Variants in DPYSL2 observed in about 807,000 individuals in gnomAD.
DPYSL2 encodes dihydropyrimidinase-related protein 2.
In DPYSL2, 13 loss-of-function variants were observed where a neutral mutation model predicts 69.9. The observed-to-expected ratio is 0.19, with a 90% CI of 0.12 to 0.30. The LOEUF is 0.30. Ranked by LOEUF, DPYSL2 falls within the 10% of genes least tolerant of loss-of-function variation. DPYSL2 has a pLI of 1.00. For synonymous variants in DPYSL2, 326 were observed against 359.1 expected, an observed-to-expected ratio of 0.91 and a Z score of 1.04; for missense variants, 587 against 918.9, an observed-to-expected ratio of 0.64 and a Z score of 4.67.
intron 3 of DPYSL2, among the ~76,000 whole-genome samples, chr8:26,590,470 G>A (rs71519606): frequency 0.3 from 38,467 of 129,020 alleles, 3,537 homozygotes; most frequent in East Asian, 0.52. Context: ...CCACCCTCAG[G>A]TGTCACTGCG....
chr8:26,585,764 G>C lies in DPYSL2; in HGVS notation c.628+1781G>C, dbSNP rs1443983668. Among the ~76,000 whole-genome samples the C allele has an allele frequency of 6.6e-6, 1 of 152,140 alleles. No individual in the cohort carries two copies. The highest frequency in any genetic ancestry group is 2.4e-5 in the African/African-American group (1 of 41,434). ...ATCTGCCTCAGTTTGGAGTTCACAG[G>C]GAGACCCTGCAGGCCCCTGGATTGG... is the stretch of plus-strand genomic sequence containing the variant. On this transcript the variant is annotated intron_variant, in intron 3 of 13. Transcript: ENST00000521913. This position sits in a 1 kb window ranked among gnomAD's most constrained non-coding sequence, Gnocchi z 4.0.
chr8:26,654,175 G>A lies in DPYSL2; in HGVS notation c.1942+778G>A, dbSNP rs533076912. On this transcript the variant is annotated intron_variant, in intron 13 of 13. Transcript: ENST00000521913. The surrounding 1 kb of genome is among the most constrained non-coding windows in gnomAD (Gnocchi z 5.0). ...AGTTGCTCCCCCGTGAGGTTGTTGT[G>A]AGGGTTAAATGGGTTAATATATATG... Among the ~76,000 whole-genome samples, 29 of 152,288 alleles carry A rather than the reference G, an allele frequency of 1.9e-4. No individual in the cohort carries two copies. Among genetic ancestry groups the A allele is most frequent in the African/African-American group, 6.7e-4 (28 of 41,562 alleles).
At chr8:26,592,468 T>C (rs1264985634) in intron 3 of DPYSL2, among the ~76,000 whole-genome samples, 3 of 88,534 alleles carry the variant, frequency 3.4e-5, no homozygotes, top group African/African-American at 9.1e-5. Flanking sequence ...ATTAGTTTTT[T>C]TTTTTTTGTT....
rs138073695 is a variant in DPYSL2, at chr8:26,560,395, A to G, written c.355-21574A>G. Among the ~76,000 whole-genome samples the G allele has an allele frequency of 7.3e-3, 1,116 of 152,276 alleles. 12 individuals are homozygous for G. Among genetic ancestry groups the G allele is most frequent in the Non-Finnish European group, 9.1e-3 (619 of 68,022 alleles). On this transcript the variant is annotated intron_variant, in intron 1 of 13. Transcript: ENST00000521913. The surrounding 1 kb of genome is among the most constrained non-coding windows in gnomAD (Gnocchi z 4.4). ...AAGATAACATTTAGCTTTTATTACA[A>G]TGATTGCAGCCCTCTGCTGGTGGGA...
At chr8:26,531,440 T>C (rs1340723038) in intron 1 of DPYSL2, among the ~76,000 whole-genome samples, 1 of 152,058 alleles carries the variant, frequency 6.6e-6, no homozygotes, top group African/African-American at 2.4e-5. Context: ...TAGGGTGCCA[T>C]TGGCAAGGAG....
intron 1 of DPYSL2, among the ~76,000 whole-genome samples, chr8:26,558,910 C>T (rs1318799357): frequency 6.6e-6 from 1 of 152,080 alleles, no homozygotes; most frequent in Non-Finnish European, 1.5e-5. Context: ...TTAAACAATT[C>T]TCCATTGTTT....
intron 1 of DPYSL2, among the ~76,000 whole-genome samples, chr8:26,534,747 C>T (rs2117615674): frequency 6.6e-6 from 1 of 152,204 alleles, no homozygotes; most frequent in South Asian, 2.1e-4. Flanking sequence ...ATCCTCCTGC[C>T]TTAACCTCCT....
chr8:26,633,673 A>G (rs1802833797), intron 7 of DPYSL2, among the ~76,000 whole-genome samples: 4 of 151,436 alleles, frequency 2.6e-5, no homozygotes, highest in Admixed American at 2.6e-4. Flanking sequence ...ACAGAGTTTC[A>G]CCATGTTGGT....
intron 3 of DPYSL2, among the ~76,000 whole-genome samples, chr8:26,595,023 A>C (rs903591192): frequency 4.7e-5 from 6 of 126,756 alleles, no homozygotes; most frequent in African/African-American, 1.5e-4. Flanking sequence ...TGTCTCTACC[A>C]AAATCAATCA....
chr8:26,527,358 T>A (rs1034711196), intron 1 of DPYSL2, among the ~76,000 whole-genome samples: 32 of 152,348 alleles, frequency 2.1e-4, no homozygotes, highest in African/African-American at 5.3e-4. Context: ...TTCCTGAAAA[T>A]TTTTTTAAGG....
intron 1 of DPYSL2, among the ~76,000 whole-genome samples, chr8:26,542,390 T>G (rs1585498272): frequency 7.9e-6 from 1 of 126,462 alleles, no homozygotes; most frequent in East Asian, 2.1e-4. Context: ...CTTTATTTAT[T>G]GTTTCCAGGT....
chr8:26,528,422 G>T (rs1388724141), intron 1 of DPYSL2, among the ~76,000 whole-genome samples: 1 of 152,150 alleles, frequency 6.6e-6, no homozygotes, highest in Non-Finnish European at 1.5e-5. Flanking sequence ...GCTGAGGCGG[G>T]TGGATCCCGA....
intron 1 of DPYSL2, among the ~76,000 whole-genome samples, chr8:26,534,780 C>G (rs976604941): frequency 1.3e-5 from 2 of 151,706 alleles, no homozygotes; most frequent in Non-Finnish European, 2.9e-5. Context: ...CTACAGGCAT[C>G]GGCCACCATG....
In DPYSL2 at chr8:26,603,301, T is replaced by C. The variant is rs145493872; in HGVS notation, c.628+19318T>C. 5.0e-3 allele frequency among the ~76,000 whole-genome samples: 761 copies of C among 152,200 alleles called. 4 individuals carry two copies. The highest frequency in any genetic ancestry group is 0.018 in the African/African-American group (734 of 41,526). On this transcript the variant is annotated intron_variant, in intron 3 of 13. Transcript: ENST00000521913. ...GATTCTCCTGCCTCAGCCTTCTGAGTAGCTGAGACTACAGGTGTCCACCAC... is the reference window on the plus strand; with the variant it reads ...GATTCTCCTGCCTCAGCCTTCTGAGCAGCTGAGACTACAGGTGTCCACCAC...
At chr8:26,551,466 T>G (rs777036656) in intron 1 of DPYSL2, among the ~76,000 whole-genome samples, 1 of 152,292 alleles carries the variant, frequency 6.6e-6, no homozygotes, top group East Asian at 1.9e-4. Flanking sequence ...CAAGGAGATA[T>G]AAACAAATCT....
chr8:26,514,732 C>T lies in DPYSL2; in HGVS notation c.354+53C>T. 3 of 1,345,052 alleles carry T rather than the reference C, an allele frequency of 2.2e-6. No individual in the cohort carries two copies. The highest frequency in any genetic ancestry group is 2.9e-6 in the Non-Finnish European group (3 of 1,043,374). 83.3% of individuals were successfully genotyped at this position (1,345,052 alleles called of 1,614,324 possible). Reference sequence around the variant, plus strand: ...GGAGGACGGGGCGCGGGGATCGCCCCTCCCTCGCCCCTGAGCCCGGCGCGC... The same window carrying T: ...GGAGGACGGGGCGCGGGGATCGCCCTTCCCTCGCCCCTGAGCCCGGCGCGC... On this transcript the variant is annotated intron_variant, in intron 1 of 13. Transcript: ENST00000521913. The surrounding 1 kb of genome is among the most constrained non-coding windows in gnomAD (Gnocchi z 8.4).
rs1207355918 is a variant in DPYSL2 at position 26,586,332 on chromosome 8, CCATTCACTGAAACT to C, written c.628+2366_628+2379del. On this transcript the variant is annotated intron_variant, in intron 3 of 13. Coordinates refer to ENST00000521913, the MANE Select transcript of DPYSL2 (RefSeq NM_001197293.3). The surrounding 1 kb of genome is among the most constrained non-coding windows in gnomAD (Gnocchi z 4.7). The stretch of plus-strand genomic sequence containing the variant: ...GTCCTTTCCAGCCCCCTACATTTGG[CCATTCACTGAAACT>C]CATTCACTGAAACTCAGAGAGATTT... 6.6e-6 allele frequency among the ~76,000 whole-genome samples: 1 copy of C among 152,172 alleles called. No individual in the cohort carries two copies. The highest frequency in any genetic ancestry group is 1.9e-4 in the East Asian group (1 of 5,182).
At chr8:26,558,303 C>A (rs994748837) in intron 1 of DPYSL2, among the ~76,000 whole-genome samples, 8 of 151,998 alleles carry the variant, frequency 5.3e-5, no homozygotes, top group Admixed American at 2.0e-4. Context: ...AATGAAGGAA[C>A]CTTAAGTATT....
intron 1 of DPYSL2, among the ~76,000 whole-genome samples, chr8:26,561,153 G>A (rs553918460): frequency 6.6e-6 from 1 of 152,174 alleles, no homozygotes; most frequent in East Asian, 1.9e-4. Flanking sequence ...ATCGGATGTG[G>A]GAGTGGTTAT....
Sources: allele counts gnomAD v4.1 joint callset (sites outside exome capture counted in the v4.1 genomes callset), GRCh38; gene constraint gnomAD v4.1.1; non-coding constraint Gnocchi (gnomAD v3.1); transcripts MANE v1.5; gene names NCBI Gene and HGNC (gene_info 2026-07-23, HGNC 2026-07-21).